The following EDIL3 variants were observed in gnomAD, a reference collection of about 807,000 sequenced individuals.
EDIL3 encodes EGF-like repeat and discoidin I-like domain-containing protein 3.
In EDIL3, 37 loss-of-function variants were observed where a neutral mutation model predicts 67.4. The ratio of observed to expected loss-of-function variants is 0.55; its 90% CI spans 0.42 to 0.72. The LOEUF is 0.72. Ranked by LOEUF, EDIL3 falls within the 30% of genes least tolerant of loss-of-function variation. The pLI, the probability that EDIL3 is intolerant of heterozygous loss-of-function variation, is 0.00. For synonymous variants in EDIL3, 195 were observed against 196.3 expected, an observed-to-expected ratio of 0.99 and a Z score of 0.05; for missense variants, 527 against 586.3, an observed-to-expected ratio of 0.90 and a Z score of 1.04.
At chr5:84,199,267 C>T (rs1743781920) in intron 3 of EDIL3, among the ~76,000 whole-genome samples, 1 of 151,936 alleles carries the variant, frequency 6.6e-6, no homozygotes, top group Non-Finnish European at 1.5e-5. Context: ...ACCATCCTCC[C>T]CTTTACTAAC....
intron 10 of EDIL3, among the ~76,000 whole-genome samples, chr5:83,958,696 C>T (rs564593544): frequency 4.6e-5 from 7 of 151,382 alleles, no homozygotes; most frequent in Non-Finnish European, 1.0e-4. Flanking sequence ...TATAAGTACT[C>T]TTCCTGAAAT....
At chr5:84,355,586 C>A (rs995781335) in intron 1 of EDIL3, among the ~76,000 whole-genome samples, 3 of 152,120 alleles carry the variant, frequency 2.0e-5, no homozygotes, top group Admixed American at 2.0e-4. Flanking sequence ...CCACTCCAGA[C>A]CCTGTTTGCC....
intron 9 of EDIL3, among the ~76,000 whole-genome samples, chr5:84,008,202 A>G (rs942367015): frequency 6.6e-6 from 1 of 152,142 alleles, no homozygotes; most frequent in Non-Finnish European, 1.5e-5. Context: ...AGAAAGAAGA[A>G]ATAAGATCTA....
chr5:84,234,146 C>A (rs572908272), intron 2 of EDIL3, among the ~76,000 whole-genome samples: 15 of 152,252 alleles, frequency 9.9e-5, no homozygotes, highest in South Asian at 4.1e-4. Flanking sequence ...CAGCTGAGAC[C>A]AGAAGTACAC....
chr5:84,239,135 G>T (rs1238167027), intron 2 of EDIL3, among the ~76,000 whole-genome samples: 2 of 152,098 alleles, frequency 1.3e-5, no homozygotes, highest in Non-Finnish European at 2.9e-5. Flanking sequence ...TGACAGGCCA[G>T]TCATTCAAAT....
intron 4 of EDIL3, 28 bp downstream of exon 4, chr5:84,180,365 A>G: frequency 6.4e-7 from 1 of 1,556,280 alleles, no homozygotes; most frequent in Non-Finnish European, 8.7e-7. Flanking sequence ...CAATAATAAT[A>G]AAAGTACAAT....
intron 1 of EDIL3, among the ~76,000 whole-genome samples, chr5:84,292,849 A>G (rs1424073677): frequency 2.6e-5 from 4 of 152,176 alleles, no homozygotes; most frequent in Non-Finnish European, 4.4e-5. Flanking sequence ...ACAGCCTTGC[A>G]AGATCGAGTG....
intron 4 of EDIL3, among the ~76,000 whole-genome samples, chr5:84,161,851 A>G (rs527451348): frequency 6.6e-6 from 1 of 152,266 alleles, no homozygotes; most frequent in South Asian, 2.1e-4. Context: ...TAAATTATTT[A>G]AAACATTTGT....
In EDIL3 at chr5:84,333,492, A is replaced by G. The variant is rs549821242; in HGVS notation, c.67+50816T>C. Among the ~76,000 whole-genome samples the G allele has an allele frequency of 4.6e-5, 7 of 152,246 alleles. No individual in the cohort carries two copies. In the East Asian group the frequency reaches 1.4e-3, roughly 29 times the overall value. On this transcript the variant is annotated intron_variant, in intron 1 of 10. Coordinates refer to ENST00000296591, the MANE Select transcript of EDIL3 (RefSeq NM_005711.5). Reference sequence around the variant, plus strand: ...TTAACAAGATCAAAAGCACAAACATAATGGAAGAGTTACTTGGAAGTGAAA... The same window carrying G: ...TTAACAAGATCAAAAGCACAAACATGATGGAAGAGTTACTTGGAAGTGAAA...
In EDIL3 at chr5:84,106,844, C is replaced by T. The variant is rs1228671184; in HGVS notation, c.470-14G>A. 1 of 1,583,694 alleles carries T rather than the reference C, an allele frequency of 6.3e-7. No individual in the cohort carries two copies. The highest frequency in any genetic ancestry group is 8.6e-7 in the Non-Finnish European group (1 of 1,168,778). Reference sequence around the variant, plus strand: ...GGCCTGAGCATTCTGGAAACAAAAACAGGAAAAAATATGAATGTATTAGAA... The same window carrying T: ...GGCCTGAGCATTCTGGAAACAAAAATAGGAAAAAATATGAATGTATTAGAA... On this transcript the variant is annotated splice_polypyrimidine_tract_variant and intron_variant, in intron 5 of 10. Coordinates refer to ENST00000296591, the MANE Select transcript of EDIL3 (RefSeq NM_005711.5).
intron 4 of EDIL3, among the ~76,000 whole-genome samples, chr5:84,156,069 T>C (rs576854333): frequency 6.6e-6 from 1 of 152,322 alleles, no homozygotes; most frequent in African/African-American, 2.4e-5. Context: ...TGGGAGAAAG[T>C]AGCAAGGCTA....
chr5:84,372,380 TG>T (rs1168371172), intron 1 of EDIL3, among the ~76,000 whole-genome samples: 3 of 152,132 alleles, frequency 2.0e-5, no homozygotes. Flanking sequence ...AAAGGAGAGA[TG>T]AAACTATTCC....
intron 1 of EDIL3, among the ~76,000 whole-genome samples, chr5:84,315,484 TA>T (rs1746490271): frequency 6.6e-6 from 1 of 152,192 alleles, no homozygotes; most frequent in Non-Finnish European, 1.5e-5. Context: ...TCAGTCATGC[TA>T]AAAATTTTTT....
intron 1 of EDIL3, among the ~76,000 whole-genome samples, chr5:84,353,301 C>G (rs1747403225): frequency 6.6e-6 from 1 of 152,126 alleles, no homozygotes; most frequent in South Asian, 2.1e-4. Flanking sequence ...GCATGAGTAT[C>G]AGCACTGGCA....
chr5:83,947,930 T>C lies in EDIL3; in HGVS notation c.1294-4362A>G, dbSNP rs980977529. On this transcript the variant is annotated intron_variant, in intron 10 of 10. Coordinates refer to ENST00000296591, the MANE Select transcript of EDIL3 (RefSeq NM_005711.5). ...TCATGTTGCATGATTTTCAGACTTA[T>C]AATCTTGATTGCATTCCATTGACTA... is the stretch of plus-strand genomic sequence containing the variant. Among the ~76,000 whole-genome samples the C allele has an allele frequency of 4.6e-5, 7 of 151,878 alleles. No individual in the cohort carries two copies. In the South Asian group the frequency reaches 1.0e-3, roughly 22 times the overall value.
At chr5:84,025,137 G>C (rs963070514) in intron 9 of EDIL3, among the ~76,000 whole-genome samples, 14 of 152,226 alleles carry the variant, frequency 9.2e-5, no homozygotes, top group African/African-American at 3.1e-4. Flanking sequence ...TTGACTTGCT[G>C]CAGTGACCTC....
At chr5:84,101,774 T>C (rs1409053798) in intron 6 of EDIL3, among the ~76,000 whole-genome samples, 2 of 152,038 alleles carry the variant, frequency 1.3e-5, no homozygotes, top group Non-Finnish European at 2.9e-5. Context: ...CTACTAACAC[T>C]ACTCCAAACA....
At chr5:83,956,196 C>CCCTT (rs1744511180) in intron 10 of EDIL3, among the ~76,000 whole-genome samples, 1 of 151,862 alleles carries the variant, frequency 6.6e-6, no homozygotes, top group Admixed American at 6.6e-5. Flanking sequence ...TCCTGTTGTC[C>CCCTT]CCTTCCTTTC....
At chr5:83,999,868 A>T (rs1196493355) in intron 9 of EDIL3, among the ~76,000 whole-genome samples, 1 of 152,116 alleles carries the variant, frequency 6.6e-6, no homozygotes, top group African/African-American at 2.4e-5. Flanking sequence ...CCAAAGGTCA[A>T]TGATAAAGAA....
Sources: allele counts gnomAD v4.1 joint callset (sites outside exome capture counted in the v4.1 genomes callset), GRCh38; gene constraint gnomAD v4.1.1; transcripts MANE v1.5; gene names NCBI Gene and HGNC (gene_info 2026-07-23, HGNC 2026-07-21).